Variants in TNN observed in about 807,000 individuals in gnomAD.
TNN encodes the protein tenascin N.
TNN carries 122 observed loss-of-function variants against 134.4 expected under a neutral mutation model. The observed-to-expected ratio is 0.91, with a 90% CI of 0.78 to 1.06. TNN has a LOEUF of 1.06. Among genes scored for constraint, TNN ranks in the 50% least tolerant of loss-of-function variants. TNN has a pLI of 0.00. For synonymous variants in TNN, 710 were observed against 670.3 expected, an observed-to-expected ratio of 1.06 and a Z score of -0.91; for missense variants, 1,739 against 1,699.4, an observed-to-expected ratio of 1.02 and a Z score of -0.41.
Position 175,119,967 on chromosome 1 carries a change from C to G in TNN, c.2650+1143C>G, listed in dbSNP as rs566270282. On this transcript the variant is annotated intron_variant, in intron 11 of 18. Coordinates refer to ENST00000239462, the MANE Select transcript of TNN (RefSeq NM_022093.2). ...GAATGTCTTAAAACTCTTTCCAAAG[C>G]CTGTGTTTTTAATCATTGTGTCTCT... 2.6e-5 allele frequency among the ~76,000 whole-genome samples: 4 copies of G among 152,290 alleles called. No individual in the cohort carries two copies. The South Asian group carries it at 8.3e-4, about 32-fold the overall frequency.
chr1:175,082,811 G>A (rs115471838), intron 4 of TNN, among the ~76,000 whole-genome samples: 365 of 152,106 alleles, frequency 2.4e-3, no homozygotes, highest in Non-Finnish European at 2.8e-3. Flanking sequence ...AGAATTGGAG[G>A]GCCTTGGCTT....
intron 1 of TNN, 133 bp from the exon 2 acceptor site, chr1:175,077,251 T>C (rs1674061731): frequency 1.4e-6 from 1 of 729,776 alleles, no homozygotes; most frequent in African/African-American, 1.8e-5. Context: ...TTGGTTCGGA[T>C]CCTTGGGAGA....
At chr1:175,093,643 T>C (rs1308916055) in intron 6 of TNN, among the ~76,000 whole-genome samples, 1 of 152,206 alleles carries the variant, frequency 6.6e-6, no homozygotes, top group Non-Finnish European at 1.5e-5. Flanking sequence ...ATGACTCTTC[T>C]TGAATACTTG....
chr1:175,131,344 C>T (rs940768548), intron 15 of TNN, among the ~76,000 whole-genome samples: 1 of 152,124 alleles, frequency 6.6e-6, no homozygotes, highest in Non-Finnish European at 1.5e-5. Flanking sequence ...GACTTTTTTT[C>T]TCTGTATTTA....
intron 15 of TNN, among the ~76,000 whole-genome samples, chr1:175,133,922 T>C (rs1004182923): frequency 2.0e-5 from 3 of 152,156 alleles, no homozygotes; most frequent in Admixed American, 6.5e-5. Flanking sequence ...CCATGGTGCA[T>C]GGCAGTAGAA....
Position 175,083,928 on chromosome 1 carries a change from C to T in TNN, c.1227C>T (p.Asp409=), listed in dbSNP as rs202160182. ...GCAGTGACCCCAAGAGCCGATATGA[C>T]ATCACTGGTAAGAGCCATCACTGGA... The part of the protein sequence containing the change: ...PKSSDPKSRY[D]ITGLHPGTEY... The change falls in exon 5 of 19, where the codon GAC becomes GAT. Residue 409 remains aspartate (D), a synonymous_variant. Transcript: ENST00000239462. The T allele has an allele frequency of 1.0e-4, 163 of 1,613,730 alleles. No homozygotes were observed. Among genetic ancestry groups the T allele is most frequent in the Middle Eastern group, 1.6e-4 (1 of 6,080 alleles).
chr1:175,085,601 G>A (rs549312578), intron 6 of TNN, 107 bp downstream of exon 6: 15 of 832,074 alleles, frequency 1.8e-5, no homozygotes, highest in Admixed American at 4.1e-5. Context: ...GCAGACAGAC[G>A]GGGTGGCTCA....
At chr1:175,112,900 G>A (rs1675070758) in intron 9 of TNN, among the ~76,000 whole-genome samples, 1 of 152,090 alleles carries the variant, frequency 6.6e-6, no homozygotes, top group South Asian at 2.1e-4. Context: ...TGGGATTACA[G>A]GCATGAGCCC....
chr1:175,076,913 T>A (rs1674054593), intron 1 of TNN, among the ~76,000 whole-genome samples: 1 of 152,134 alleles, frequency 6.6e-6, no homozygotes, highest in African/African-American at 2.4e-5. Flanking sequence ...CAAACAATTG[T>A]GAGAATGGAA....
chr1:175,108,272 G>A (rs935307277), intron 9 of TNN, among the ~76,000 whole-genome samples: 1 of 152,220 alleles, frequency 6.6e-6, no homozygotes, highest in South Asian at 2.1e-4. Flanking sequence ...GATACAGAGT[G>A]TTGATTGGTG....
chr1:175,077,616 T>G lies in TNN; in HGVS notation c.198T>G (p.Ser66Arg), dbSNP rs1235980736. 6.2e-7 allele frequency: 1 copy of G among 1,614,204 alleles called. No individual in the cohort carries two copies. The highest frequency in any genetic ancestry group is 2.2e-5 in the East Asian group (1 of 44,888). ...VQVDADPQPL[S>R]DDGASLLALG... is the part of the protein sequence containing the mutation. ...TTGACGCTGACCCTCAGCCCCTCAG[T>G]GACGATGGGGCTTCGCTCTTGGCCC... The change falls in exon 2 of 19, where the codon AGT becomes AGG. Residue 66 changes from serine to arginine, a missense_variant. Physicochemically the swap from Ser to Arg is moderately radical, Grantham distance 110. Coordinates refer to ENST00000239462, the MANE Select transcript of TNN (RefSeq NM_022093.2).
Position 175,083,760 on chromosome 1 carries a change from G to T in TNN, c.1059G>T (p.Val353=), listed in dbSNP as rs115100168. The T allele has an allele frequency of 4.8e-4, 775 of 1,614,060 alleles. 5 individuals are homozygous for T. In the African/African-American group the frequency reaches 9.1e-3, roughly 19 times the overall value. The change falls in exon 5 of 19, where the codon GTG becomes GTT. Residue 353 remains valine (V), a synonymous_variant. Coordinates refer to ENST00000239462, the MANE Select transcript of TNN (RefSeq NM_022093.2). ...QHLLATTDLA[V]LGTAWVTDET... Reference sequence around the variant, plus strand: ...TCACCCCTGCCCTAGACCTTGCTGTGCTTGGCACTGCCTGGGTGACAGATG... The same window carrying T: ...TCACCCCTGCCCTAGACCTTGCTGTTCTTGGCACTGCCTGGGTGACAGATG...
At chr1:175,131,862 G>A (rs1297824536) in intron 15 of TNN, among the ~76,000 whole-genome samples, 2 of 149,048 alleles carry the variant, frequency 1.3e-5, no homozygotes, top group African/African-American at 5.0e-5. Context: ...AAACAGTGAT[G>A]CAAAGAGCAC....
At chr1:175,127,731 C>T (rs1049629885) in intron 13 of TNN, among the ~76,000 whole-genome samples, 1 of 152,174 alleles carries the variant, frequency 6.6e-6, no homozygotes, top group African/African-American at 2.4e-5. Context: ...TAGTTAGAGC[C>T]CCTGTGTGTA....
rs186613753 is a variant in TNN at position 175,103,912 on chromosome 1, G to A, written c.2119+5317G>A. On this transcript the variant is annotated intron_variant, in intron 9 of 18. Coordinates refer to ENST00000239462, the MANE Select transcript of TNN (RefSeq NM_022093.2). Reference sequence around the variant, plus strand: ...TTTTTTGCATTACGTGACTGTGCGGGCATTTTTTTGCCCTTCTAAATTGTC... The same window carrying A: ...TTTTTTGCATTACGTGACTGTGCGGACATTTTTTTGCCCTTCTAAATTGTC... Among the ~76,000 whole-genome samples, 32 of 145,198 alleles carry A rather than the reference G, an allele frequency of 2.2e-4. 5 individuals carry two copies. In the South Asian group the frequency reaches 4.9e-3, roughly 22 times the overall value.
intron 17 of TNN, among the ~76,000 whole-genome samples, chr1:175,137,301 T>C (rs1675837810): frequency 6.6e-6 from 1 of 152,266 alleles, no homozygotes; most frequent in Non-Finnish European, 1.5e-5. Context: ...GAACAATTTC[T>C]TGATGCTTGT....
intron 10 of TNN, among the ~76,000 whole-genome samples, 197 bp downstream of exon 10, chr1:175,117,402 A>C (rs990711582): frequency 6.6e-6 from 1 of 152,202 alleles, no homozygotes; most frequent in Non-Finnish European, 1.5e-5. Flanking sequence ...GCCACAAGGC[A>C]GTCTCCAAGC....
At chr1:175,082,054 A>T (rs1376807902) in intron 4 of TNN, among the ~76,000 whole-genome samples, 2 of 152,218 alleles carry the variant, frequency 1.3e-5, no homozygotes, top group Non-Finnish European at 2.9e-5. Flanking sequence ...GAGTGACCTG[A>T]CATTGATGTC....
chr1:175,147,187 T>C lies in TNN; in HGVS notation c.*116T>C. ...CAGATAGCCCGCAGAACAAATCATG[T>C]CACCAAGCTTCAAGCCATGGAGGTT... On this transcript the variant is annotated 3_prime_UTR_variant, in exon 19 of 19. Coordinates refer to ENST00000239462, the MANE Select transcript of TNN (RefSeq NM_022093.2). 9.4e-7 allele frequency: 1 copy of C among 1,068,650 alleles called. No individual in the cohort carries two copies. Among genetic ancestry groups the C allele is most frequent in the South Asian group, 3.2e-5 (1 of 30,940 alleles). The allele number at this position is 1,068,650 out of a possible 1,614,324, so 66.2% of individuals were successfully genotyped here.
Sources: allele counts gnomAD v4.1 joint callset (sites outside exome capture counted in the v4.1 genomes callset), GRCh38; gene constraint gnomAD v4.1.1; transcripts MANE v1.5; gene names NCBI Gene and HGNC (gene_info 2026-07-23, HGNC 2026-07-21).